Variants in NPFFR2 observed in about 807,000 individuals in gnomAD.
NPFFR2 encodes G-protein coupled receptor 74.
Under a neutral mutation model 13.1 loss-of-function variants are expected in NPFFR2, and 15 were observed. The ratio of observed to expected loss-of-function variants is 1.15; its 90% CI spans 0.77 to 1.76. The LOEUF (loss-of-function observed/expected upper bound fraction) is 1.76, where lower values mean the gene tolerates loss of function less well. Ranked by LOEUF, NPFFR2 falls within the 40% of genes most tolerant of loss-of-function variation. NPFFR2 has a pLI of 0.00. For missense variants in NPFFR2, 572 were observed against 503.5 expected (o/e 1.14, Z -1.30); for synonymous variants, 190 against 175.7 (o/e 1.08, Z -0.65).
chr4:72,066,067 C>T (rs1720060977), intron 1 of NPFFR2, among the ~76,000 whole-genome samples: 1 of 152,136 alleles, frequency 6.6e-6, no homozygotes, highest in Non-Finnish European at 1.5e-5. Context: ...AATTTGTTTT[C>T]CCATAGTTCC....
chr4:72,110,006 A>G (rs1461077521), intron 1 of NPFFR2, among the ~76,000 whole-genome samples: 2 of 151,976 alleles, frequency 1.3e-5, no homozygotes, highest in Admixed American at 6.6e-5. Flanking sequence ...TGAGGGCTTT[A>G]TTTGATCGGC....
intron 1 of NPFFR2, among the ~76,000 whole-genome samples, chr4:72,096,017 G>A (rs1455675487): frequency 1.3e-5 from 2 of 152,156 alleles, no homozygotes; most frequent in Non-Finnish European, 2.9e-5. Context: ...TTTCAGGTGA[G>A]AGAGGGAATC....
chr4:72,129,092 A>G (rs1034902433), intron 2 of NPFFR2, among the ~76,000 whole-genome samples, 173 bp downstream of exon 2: 11 of 152,234 alleles, frequency 7.2e-5, no homozygotes, highest in South Asian at 4.1e-4. Context: ...CTAGATGGAC[A>G]ATAAATAATT....
chr4:72,087,726 T>C (rs996758827), intron 1 of NPFFR2, among the ~76,000 whole-genome samples: 91 of 151,934 alleles, frequency 6.0e-4, no homozygotes, highest in African/African-American at 2.0e-3. Context: ...AAAGGAGTGG[T>C]CAGGACTGAT....
chr4:72,114,191 T>C (rs1373955824), intron 1 of NPFFR2, among the ~76,000 whole-genome samples: 1 of 152,030 alleles, frequency 6.6e-6, no homozygotes, highest in East Asian at 1.9e-4. Flanking sequence ...AATATAAAAT[T>C]CATTGAATTT....
At chr4:72,034,245 G>A (rs1718990772) in intron 1 of NPFFR2, among the ~76,000 whole-genome samples, 1 of 152,130 alleles carries the variant, frequency 6.6e-6, no homozygotes, top group Admixed American at 6.6e-5. Flanking sequence ...CTGCTATAAA[G>A]GACTGCCTGA....
chr4:72,079,274 A>T (rs1720533361), intron 1 of NPFFR2, among the ~76,000 whole-genome samples: 4 of 152,110 alleles, frequency 2.6e-5, no homozygotes. Context: ...AAAAAGCAGG[A>T]GACAGACTAT....
At chr4:72,110,853 C>A (rs1353155508) in intron 1 of NPFFR2, among the ~76,000 whole-genome samples, 1 of 151,936 alleles carries the variant, frequency 6.6e-6, no homozygotes, top group Non-Finnish European at 1.5e-5. Flanking sequence ...AATCCTTTAG[C>A]AATTTCTTCT....
intron 1 of NPFFR2, among the ~76,000 whole-genome samples, chr4:72,124,240 C>T (rs567020995): frequency 4.2e-4 from 64 of 152,230 alleles, no homozygotes; most frequent in African/African-American, 1.5e-3. Flanking sequence ...GAACTACAAA[C>T]CACTGCTCAA....
chr4:72,095,245 G>C (rs1721031273), intron 1 of NPFFR2, among the ~76,000 whole-genome samples: 1 of 152,174 alleles, frequency 6.6e-6, no homozygotes. Flanking sequence ...GTCTGCTGGT[G>C]TGCTGGAACT....
chr4:72,099,974 G>A (rs1721193838), intron 1 of NPFFR2, among the ~76,000 whole-genome samples: 1 of 151,942 alleles, frequency 6.6e-6, no homozygotes, highest in African/African-American at 2.4e-5. Flanking sequence ...TCAGACATAT[G>A]GGAATATTTT....
chr4:72,116,489 G>A (rs892736943), intron 1 of NPFFR2, among the ~76,000 whole-genome samples: 5 of 151,912 alleles, frequency 3.3e-5, no homozygotes, highest in South Asian at 2.1e-4. Context: ...TGGGTGATGG[G>A]ATCATTCGTA....
At chr4:72,046,947 A>T (rs114466627) in intron 1 of NPFFR2, among the ~76,000 whole-genome samples, 116 of 152,302 alleles carry the variant, frequency 7.6e-4, no homozygotes, top group African/African-American at 2.6e-3. Flanking sequence ...AAAGACCTTG[A>T]GTGAATTGTA....
chr4:72,116,498 T>C (rs1289109361), intron 1 of NPFFR2, among the ~76,000 whole-genome samples: 1 of 151,940 alleles, frequency 6.6e-6, no homozygotes, highest in Non-Finnish European at 1.5e-5. Flanking sequence ...GGATCATTCG[T>C]ACCCCGAACC....
intron 1 of NPFFR2, among the ~76,000 whole-genome samples, chr4:72,036,255 A>G (rs1280167539): frequency 2.6e-5 from 4 of 152,132 alleles, no homozygotes; most frequent in Non-Finnish European, 4.4e-5. Flanking sequence ...GTAGTCTCCC[A>G]GTCTACATGC....
In NPFFR2 at chr4:72,055,874, C is replaced by T. The variant is rs552647683; in HGVS notation, c.-8+23674C>T. Among the ~76,000 whole-genome samples the T allele has an allele frequency of 3.1e-3, 465 of 152,074 alleles. 4 individuals carry two copies. The highest frequency in any genetic ancestry group is 3.2e-3 in the Non-Finnish European group (217 of 67,932). On this transcript the variant is annotated intron_variant, in intron 1 of 3. Transcript: ENST00000308744. Reference sequence around the variant, plus strand: ...TTGGAGTCTAATCCAGAGCAAGGCCCTAACTCTATTCAATTCTATGAAAGC... The same window carrying T: ...TTGGAGTCTAATCCAGAGCAAGGCCTTAACTCTATTCAATTCTATGAAAGC...
intron 1 of NPFFR2, among the ~76,000 whole-genome samples, chr4:72,057,943 C>A (rs1002353928): frequency 2.6e-5 from 4 of 151,976 alleles, no homozygotes; most frequent in African/African-American, 9.7e-5. Flanking sequence ...AAAACCTGCA[C>A]AAATCCAAAT....
chr4:72,075,188 G>T (rs2109787751), intron 1 of NPFFR2, among the ~76,000 whole-genome samples: 1 of 152,196 alleles, frequency 6.6e-6, no homozygotes, highest in East Asian at 1.9e-4. Context: ...ACATGAAAAG[G>T]TGAGACTGGC....
At chr4:72,143,582 C>A (rs576669523) in intron 3 of NPFFR2, among the ~76,000 whole-genome samples, 13 of 152,148 alleles carry the variant, frequency 8.5e-5, no homozygotes, top group Non-Finnish European at 1.9e-4. Context: ...TCCAGAAACA[C>A]TTTTATAGGC....
Sources: allele counts gnomAD v4.1 joint callset (sites outside exome capture counted in the v4.1 genomes callset), GRCh38; gene constraint gnomAD v4.1.1; transcripts MANE v1.5; gene names NCBI Gene and HGNC (gene_info 2026-07-23, HGNC 2026-07-21).